Variants in FMR1 observed in about 807,000 individuals in gnomAD.
FMR1 encodes the protein fragile X messenger ribonucleoprotein 1, also known as FMRP translational regulator 1.
In FMR1, 13 loss-of-function variants were observed where a neutral mutation model predicts 50.6. The ratio of observed to expected loss-of-function variants is 0.26; its 90% CI spans 0.17 to 0.41. The LOEUF is 0.41. Ranked by LOEUF, FMR1 falls within the 10% of genes least tolerant of loss-of-function variation. The pLI, the probability that FMR1 is intolerant of heterozygous loss-of-function variation, is 1.00. For synonymous variants in FMR1, 138 were observed against 164.1 expected (o/e 0.84, Z 1.22); for missense variants, 316 against 491.3 (o/e 0.64, Z 3.37).
In FMR1 at chrX:147,937,446, G is replaced by A; in HGVS notation, c.991-20G>A. On this transcript the variant is annotated intron_variant, in intron 10 of 16. Transcript: ENST00000370475. Reference sequence around the variant, plus strand: ...AATTGGTCCTTTTTTTCTCTTTTGTGTTTTCTGTTTTTTACCAAGGAAATT... The same window carrying A: ...AATTGGTCCTTTTTTTCTCTTTTGTATTTTCTGTTTTTTACCAAGGAAATT... 1 of 1,110,075 alleles carries A rather than the reference G, an allele frequency of 9.0e-7. No homozygotes were observed. The highest frequency in any genetic ancestry group is 1.2e-6 in the Non-Finnish European group (1 of 804,205). 91.5% of individuals were successfully genotyped at this position (1,110,075 alleles called of 1,213,427 possible).
intron 13 of FMR1, among the ~76,000 whole-genome samples, chrX:147,942,060 A>G (rs954517197): frequency 8.9e-6 from 1 of 112,679 alleles, no homozygotes; most frequent in African/African-American, 3.2e-5. Context: ...CTCAAATTCT[A>G]TGTAAAACAG....
intron 1 of FMR1, 45 bp from the exon 2 acceptor site, chrX:147,921,888 C>G (rs533763057): frequency 1.1e-6 from 1 of 898,013 alleles, no homozygotes; most frequent in East Asian, 3.1e-5. Context: ...AAAACAAAAA[C>G]TATCTTTAAG....
intron 12 of FMR1, among the ~76,000 whole-genome samples, chrX:147,938,744 A>G (rs2043876265): frequency 8.9e-6 from 1 of 111,883 alleles, no homozygotes; most frequent in Admixed American, 9.5e-5. Context: ...TTGTGGACTC[A>G]TGGATTAAAA....
At chrX:147,944,683 T>C in intron 14 of FMR1, 186 bp from the exon 15 acceptor site, 1 of 1,050,193 alleles carries the variant, frequency 9.5e-7, no homozygotes, top group African/African-American at 1.9e-5. Flanking sequence ...CCTCAAATAT[T>C]GCAAAGCCCT....
rs1557173771 is a variant in FMR1, at chrX:147,912,049, C to CGGCGGCGGCGGCGGAG, written c.-130_-129insGCGGCGGCGGCGGAGG. ...GCCGCTGCCAGGGGGCGTGCGGCAG[C>CGGCGGCGGCGGCGGAG]GCGGCGGCGGCGGCGGCGGCGGCGG... On this transcript the variant is annotated 5_prime_UTR_variant, in exon 1 of 17. Coordinates refer to ENST00000370475, the MANE Select transcript of FMR1 (RefSeq NM_002024.6). The CGGCGGCGGCGGCGGAG allele has an allele frequency of 2.5e-5, 1 of 39,999 alleles. No homozygotes were observed. Among genetic ancestry groups the CGGCGGCGGCGGCGGAG allele is most frequent in the African/African-American group, 1.0e-4 (1 of 9,762 alleles). The allele number at this position is 39,999 out of a possible 1,213,427, so 3.3% of individuals were successfully genotyped here. A position where few individuals can be genotyped will look rare whatever the true frequency, so the allele number is the denominator to read the frequency against.
intron 3 of FMR1, among the ~76,000 whole-genome samples, chrX:147,926,398 A>T (rs1317018978): frequency 2.7e-5 from 3 of 111,927 alleles, no homozygotes; most frequent in Admixed American, 9.5e-5. Flanking sequence ...TTGCCGTTCC[A>T]TGAATATTTG....
rs1243263047 is a variant in FMR1 at position 147,938,032 on chromosome X, C to T, written c.1126-67C>T. 4.7e-6 allele frequency: 4 copies of T among 853,947 alleles called. No individual in the cohort carries two copies. The East Asian group carries it at 1.2e-4, about 27-fold the overall frequency. The allele number at this position is 853,947 out of a possible 1,213,427, so 70.4% of individuals were successfully genotyped here. A position where few individuals can be genotyped will look rare whatever the true frequency, so the allele number is the denominator to read the frequency against. ...TAAAAGTCCTGCAGTGAAAGTCCTG[C>T]GTTCAGGCTTCTGTGTATCGTTTGT... On this transcript the variant is annotated intron_variant, in intron 11 of 16. Transcript: ENST00000370475.
At chrX:147,915,251 A>G (rs2042796895) in intron 1 of FMR1, among the ~76,000 whole-genome samples, 1 of 112,118 alleles carries the variant, frequency 8.9e-6, no homozygotes, top group Non-Finnish European at 1.9e-5. Flanking sequence ...TTTTTAATGA[A>G]GATATTAGTG....
At position 147,950,801 on chromosome X, in the gene FMR1, A is replaced by G. The variant is rs1557183594; in HGVS notation, c.*1957A>G. 8 of 305,126 alleles carry G rather than the reference A, an allele frequency of 2.6e-5. No individual in the cohort carries two copies. The allele number at this position is 305,126 out of a possible 1,213,427, so 25.1% of individuals were successfully genotyped here. A position where few individuals can be genotyped will look rare whatever the true frequency, so the allele number is the denominator to read the frequency against. ...ACCAACTTTCAAGAACTTGTTTAAT[A>G]AAGCGAAAAACTCAACCAAATGGTA... On this transcript the variant is annotated 3_prime_UTR_variant, in exon 17 of 17. Coordinates refer to ENST00000370475, the MANE Select transcript of FMR1 (RefSeq NM_002024.6).
intron 9 of FMR1, chrX:147,933,629 G>A: frequency 1.2e-6 from 1 of 849,459 alleles, no homozygotes; most frequent in East Asian, 5.7e-5. Context: ...ACCAGGTGCA[G>A]TTTTATCAAG....
intron 9 of FMR1, among the ~76,000 whole-genome samples, chrX:147,933,153 T>G (rs1296274201): frequency 2.8e-5 from 3 of 106,935 alleles, no homozygotes; most frequent in Non-Finnish European, 5.8e-5. Flanking sequence ...AAAATATTTG[T>G]TAAGTATGAT....
Position 147,948,815 on chromosome X carries a change from C to G in FMR1, c.1870C>G (p.Gln624Glu). The part of the protein sequence containing the change: ...KKEKPDSVDG[Q>E]QPLVNGVP ...AGAGAAGCCAGACAGCGTGGATGGT[C>G]AGCAACCACTCGTGAATGGAGTACC... Residue 624 changes from glutamine to glutamate, a missense_variant, in exon 17 of 17, where the codon CAG (glutamine) becomes GAG (glutamate). Around this residue, in one of 4 missense-constraint regions of FMR1, gnomAD observed 124 missense variants for 160.8 expected, o/e 0.77. Coordinates refer to ENST00000370475, the MANE Select transcript of FMR1 (RefSeq NM_002024.6). 8.3e-7 allele frequency: 1 copy of G among 1,210,953 alleles called. No individual in the cohort carries two copies. The highest frequency in any genetic ancestry group is 1.1e-6 in the Non-Finnish European group (1 of 894,844).
chrX:147,912,957 C>T lies in FMR1; in HGVS notation c.51+727C>T, dbSNP rs1349420871. The T allele has an allele frequency of 1.0e-4, 29 of 277,636 alleles. No individual in the cohort carries two copies. The East Asian group carries it at 1.5e-3, about 14-fold the overall frequency. 22.9% of individuals were successfully genotyped at this position (277,636 alleles called of 1,213,427 possible). A position where few individuals can be genotyped will look rare whatever the true frequency, so the allele number is the denominator to read the frequency against. ...TATTCGCGTCCCCCTTTTTGTTAAACGGGGTAAATTCAGGAATGCACATGC... is the reference window on the plus strand; with the variant it reads ...TATTCGCGTCCCCCTTTTTGTTAAATGGGGTAAATTCAGGAATGCACATGC... On this transcript the variant is annotated intron_variant, in intron 1 of 16. Coordinates refer to ENST00000370475, the MANE Select transcript of FMR1 (RefSeq NM_002024.6).
At chrX:147,941,130 G>A (rs1050092960) in intron 13 of FMR1, among the ~76,000 whole-genome samples, 23 of 111,792 alleles carry the variant, frequency 2.1e-4, no homozygotes, top group African/African-American at 7.2e-4. Context: ...AACTATTTGT[G>A]TCTTCTCATA....
Position 147,936,493 on chromosome X carries a change from T to A in FMR1, c.881-11T>A. ...GTTTTTAAAACCAAACTTGATTTATTTATTTCTTAGGCAAAGTAATAGGAA... is the reference window on the plus strand; with the variant it reads ...GTTTTTAAAACCAAACTTGATTTATATATTTCTTAGGCAAAGTAATAGGAA... On this transcript the variant is annotated splice_polypyrimidine_tract_variant and intron_variant, in intron 9 of 16. Transcript: ENST00000370475. 1 of 1,128,665 alleles carries A rather than the reference T, an allele frequency of 8.9e-7. No individual in the cohort carries two copies. Among genetic ancestry groups the A allele is most frequent in the Non-Finnish European group, 1.2e-6 (1 of 819,933 alleles). 93.0% of individuals were successfully genotyped at this position (1,128,665 alleles called of 1,213,427 possible).
chrX:147,933,613 A>G lies in FMR1; in HGVS notation c.880+850A>G, dbSNP rs1450965369. On this transcript the variant is annotated intron_variant, in intron 9 of 16. Transcript: ENST00000370475. ...GCTGCAGATATCTTTAGTAGAACAT[A>G]TCAAAACCAGGTGCAGTTTTATCAA... 3 of 863,103 alleles carry G rather than the reference A, an allele frequency of 3.5e-6. No individual in the cohort carries two copies. The African/African-American group carries it at 6.3e-5, about 18-fold the overall frequency. The allele number at this position is 863,103 out of a possible 1,213,427, so 71.1% of individuals were successfully genotyped here. A position where few individuals can be genotyped will look rare whatever the true frequency, so the allele number is the denominator to read the frequency against.
chrX:147,929,153 A>ATTTT (rs1186027609), intron 5 of FMR1, among the ~76,000 whole-genome samples: 2 of 111,768 alleles, frequency 1.8e-5, no homozygotes, highest in African/African-American at 6.5e-5. Context: ...ACTATAAACG[A>ATTTT]TTTCTCCGTT....
intron 14 of FMR1, 119 bp from the exon 15 acceptor site, chrX:147,944,750 G>A (rs2044116787): frequency 7.3e-6 from 8 of 1,096,427 alleles, no homozygotes; most frequent in South Asian, 7.1e-5. Context: ...ACTCTTTGTG[G>A]GCTTATAAAT....
chrX:147,947,669 C>T (rs1361793746), intron 16 of FMR1: 1 of 107,716 alleles, frequency 9.3e-6, no homozygotes, highest in Non-Finnish European at 1.9e-5. Context: ...AAGATCGCGC[C>T]ACTGCACTCC....
Sources: allele counts gnomAD v4.1 joint callset (sites outside exome capture counted in the v4.1 genomes callset), GRCh38; gene constraint gnomAD v4.1.1; regional missense constraint gnomAD v4.1.1; transcripts MANE v1.5; gene names NCBI Gene and HGNC (gene_info 2026-07-23, HGNC 2026-07-21).